Variants in SPATA33 observed in about 807,000 individuals in gnomAD.
SPATA33 encodes the protein spermatogenesis-associated protein 33.
SPATA33 carries 10 observed loss-of-function variants against 8.9 expected under a neutral mutation model. That is an observed-to-expected ratio of 1.12 (90% CI 0.69 to 1.90). SPATA33 has a LOEUF of 1.90. SPATA33 is among the 40% of genes most tolerant of loss of function. The probability of loss-of-function intolerance (pLI) is 0.00; values close to 1 mark genes in which losing one functional copy is unlikely to be tolerated. For missense variants in SPATA33, 241 were observed against 178.3 expected (o/e 1.35, Z -2.00); for synonymous variants, 96 against 72.8 (o/e 1.32, Z -1.63).
At chr16:89,658,107 G>T in intron 1 of SPATA33, 141 bp from the exon 2 acceptor site, 1 of 1,496,280 alleles carries the variant, frequency 6.7e-7, no homozygotes, top group Non-Finnish European at 8.9e-7. Context: ...CGCGTTTCCC[G>T]CCTGAGGCGG....
intron 2 of SPATA33, among the ~76,000 whole-genome samples, chr16:89,663,350 C>G (rs777561864): frequency 6.6e-6 from 1 of 151,194 alleles, no homozygotes; most frequent in Non-Finnish European, 1.5e-5. Context: ...GTAGCTGGGA[C>G]TACAGGCATG....
At position 89,657,874 on chromosome 16, in the gene SPATA33, G is replaced by C. The variant is rs531084822; in HGVS notation, c.-38G>C. On this transcript the variant is annotated 5_prime_UTR_variant, in exon 1 of 3. Coordinates refer to ENST00000579310, the MANE Select transcript of SPATA33 (RefSeq NM_001271907.2). ...GGCTCCGCGGCCGCGGAGGTGTGGG[G>C]ACCCGGGCTTGCGTCGGAGGGGGCG... is the stretch of plus-strand genomic sequence containing the variant. 4.8e-5 allele frequency: 73 copies of C among 1,515,934 alleles called. No individual in the cohort carries two copies. The African/African-American group carries it at 7.8e-4, about 16-fold the overall frequency. The allele number at this position is 1,515,934 out of a possible 1,614,324, so 93.9% of individuals were successfully genotyped here.
chr16:89,659,572 G>A (rs2151524786), intron 2 of SPATA33: 1 of 152,430 alleles, frequency 6.6e-6, no homozygotes, highest in South Asian at 2.1e-4. Flanking sequence ...TACTCAGGAG[G>A]CTGAGGCAGG....
chr16:89,661,530 A>G (rs1568011904), intron 2 of SPATA33: 1 of 152,230 alleles, frequency 6.6e-6, no homozygotes, highest in Non-Finnish European at 1.5e-5. Flanking sequence ...GTATGTCTTT[A>G]TTAGCAGCAT....
chr16:89,664,396 G>A (rs1364195128), intron 2 of SPATA33, among the ~76,000 whole-genome samples: 5 of 152,188 alleles, frequency 3.3e-5, no homozygotes, highest in African/African-American at 1.2e-4. Flanking sequence ...ACAGCCATGT[G>A]TAACCCTCCC....
chr16:89,662,698 A>G lies in SPATA33; in HGVS notation c.211+4277A>G, dbSNP rs577952196. Among the ~76,000 whole-genome samples the G allele has an allele frequency of 4.3e-3, 637 of 149,684 alleles. 4 individuals carry two copies. The highest frequency in any genetic ancestry group is 0.015 in the African/African-American group (612 of 40,600). On this transcript the variant is annotated intron_variant, in intron 2 of 2. Transcript: ENST00000579310. ...CGCCTCGGCCTCCCAAAGTGCTGAG[A>G]TCACAGGCGTGAGCCACCGCACCTG... is the stretch of plus-strand genomic sequence containing the variant.
intron 2 of SPATA33, among the ~76,000 whole-genome samples, chr16:89,667,831 C>A (rs1183303405): frequency 7.2e-5 from 11 of 152,186 alleles, no homozygotes; most frequent in East Asian, 1.9e-4. Flanking sequence ...TCTGCCTCCC[C>A]CATCTGGTTA....
chr16:89,660,840 C>G, intron 2 of SPATA33: 1 of 1,150,812 alleles, frequency 8.7e-7, no homozygotes, highest in Non-Finnish European at 1.1e-6. Context: ...GGTCCCTAAG[C>G]CCTTCCAGCC....
intron 2 of SPATA33, among the ~76,000 whole-genome samples, chr16:89,665,162 T>G (rs2060009688): frequency 6.6e-6 from 1 of 152,064 alleles, no homozygotes; most frequent in African/African-American, 2.4e-5. Flanking sequence ...CCCCAGCTAT[T>G]TTTTGTAGTT....
At position 89,667,249 on chromosome 16, in the gene SPATA33, A is replaced by G. The variant is rs148855233; in HGVS notation, c.212-2037A>G. ...CTGGTGGCCCTGTCTGGGCATAACA[A>G]AAGGCTCACACTCTTGTCTTCTGGT... On this transcript the variant is annotated intron_variant, in intron 2 of 2. Coordinates refer to ENST00000579310, the MANE Select transcript of SPATA33 (RefSeq NM_001271907.2). 0.025 allele frequency among the ~76,000 whole-genome samples: 3,755 copies of G among 152,250 alleles called. 688 individuals carry two copies. The East Asian group carries it at 0.51, about 21-fold the overall frequency.
intron 2 of SPATA33, chr16:89,658,774 G>C: frequency 3.2e-6 from 1 of 312,858 alleles, no homozygotes; most frequent in Non-Finnish European, 6.2e-6. Context: ...AGAGCATTGG[G>C]AGGCCGTCCC....
At chr16:89,661,979 A>G (rs370824917) in intron 2 of SPATA33, among the ~76,000 whole-genome samples, 1 of 152,154 alleles carries the variant, frequency 6.6e-6, no homozygotes, top group African/African-American at 2.4e-5. Context: ...GGGTAAAATC[A>G]TATGTCTGAA....
chr16:89,660,608 G>T, intron 2 of SPATA33: 1 of 1,163,846 alleles, frequency 8.6e-7, no homozygotes, highest in East Asian at 3.2e-5. Flanking sequence ...AGTCCCAAAG[G>T]TGGGACACTG....
chr16:89,665,418 T>C (rs915086674), intron 2 of SPATA33, among the ~76,000 whole-genome samples: 2 of 151,782 alleles, frequency 1.3e-5, no homozygotes, highest in African/African-American at 4.8e-5. Flanking sequence ...CATTCTCCTG[T>C]CTCAGCCTCC....
Position 89,669,469 on chromosome 16 carries a change from A to G in SPATA33, c.395A>G (p.Asp132Gly). The change falls in exon 3 of 3, where the codon GAC becomes GGC. Residue 132 changes from aspartate to glycine, a missense_variant. Physicochemically the swap from Asp to Gly is moderately conservative, Grantham distance 94. Transcript: ENST00000579310. ...YRRHRNPSTA[D>G]AYNSHLKE is the part of the protein sequence containing the mutation. ...CGGCACAGGAACCCCAGTACAGCAGACGCCTATAATTCACATCTCAAAGAA... is the reference window on the plus strand; with the variant it reads ...CGGCACAGGAACCCCAGTACAGCAGGCGCCTATAATTCACATCTCAAAGAA... The G allele has an allele frequency of 6.2e-7, 1 of 1,613,268 alleles. No individual in the cohort carries two copies. The highest frequency in any genetic ancestry group is 8.5e-7 in the Non-Finnish European group (1 of 1,180,022).
intron 2 of SPATA33, among the ~76,000 whole-genome samples, chr16:89,667,237 C>T (rs1274357699): frequency 2.0e-5 from 3 of 152,210 alleles, no homozygotes; most frequent in Admixed American, 6.5e-5. Context: ...GTGGCCCTGT[C>T]TGGGCATAAC....
chr16:89,666,034 T>C (rs528035369), intron 2 of SPATA33, among the ~76,000 whole-genome samples: 1 of 152,224 alleles, frequency 6.6e-6, no homozygotes, highest in South Asian at 2.1e-4. Flanking sequence ...TGAGCCAAAA[T>C]TGTGCCACTG....
chr16:89,666,147 G>T (rs532421400), intron 2 of SPATA33, among the ~76,000 whole-genome samples: 2 of 152,120 alleles, frequency 1.3e-5, no homozygotes, highest in African/African-American at 4.8e-5. Flanking sequence ...GCATGAGGGG[G>T]TCGGGCCCTC....
chr16:89,669,425 G>C lies in SPATA33; in HGVS notation c.351G>C (p.Glu117Asp). ...SDQQRTIREP[E>D]DWGPYRRHRN... ...AGCAGAGAACCATTCGGGAGCCGGA[G>C]GACTGGGGCCCCTACCGGCGGCACA... is the stretch of plus-strand genomic sequence containing the variant. Residue 117 changes from glutamate to aspartate, a missense_variant, in exon 3 of 3, where the codon GAG (glutamate) becomes GAC (aspartate). Physicochemically the swap from Glu to Asp is conservative, Grantham distance 45 (BLOSUM62 2). Coordinates refer to ENST00000579310, the MANE Select transcript of SPATA33 (RefSeq NM_001271907.2). 1 of 1,614,088 alleles carries C rather than the reference G, an allele frequency of 6.2e-7. No homozygotes were observed. Among genetic ancestry groups the C allele is most frequent in the South Asian group, 1.1e-5 (1 of 91,072 alleles).
Sources: gnomAD v4.1 joint callset for allele counts (sites outside exome capture counted in the v4.1 genomes callset) on GRCh38, gnomAD v4.1.1 for gene constraint, MANE v1.5 for transcripts, NCBI Gene and HGNC (gene_info 2026-07-23, HGNC 2026-07-21) for gene names.